Variants in AKAP13 observed in about 807,000 individuals in gnomAD.
The protein encoded by AKAP13 is A-kinase anchoring protein 13.
Under a neutral mutation model 264.5 loss-of-function variants are expected in AKAP13, and 80 were observed. That is an observed-to-expected ratio of 0.30 (90% CI 0.25 to 0.36). The LOEUF (loss-of-function observed/expected upper bound fraction) is 0.36. Among genes scored for constraint, AKAP13 ranks in the 10% least tolerant of loss-of-function variants. The probability of loss-of-function intolerance (pLI) is 1.00; values close to 1 mark genes in which losing one functional copy is unlikely to be tolerated. For missense variants in AKAP13, 3,712 were observed against 3,435.2 expected, an observed-to-expected ratio of 1.08 and a Z score of -2.01; for synonymous variants, 1,380 against 1,250.2, an observed-to-expected ratio of 1.10 and a Z score of -2.19.
At chr15:85,583,051 G>A (rs765219019) in intron 7 of AKAP13, 15 of 985,342 alleles carry the variant, frequency 1.5e-5, no homozygotes, top group African/African-American at 1.7e-5. Flanking sequence ...AGTCGGACAC[G>A]ATCTTGGCTC....
Position 85,631,636 on chromosome 15 carries a change from C to A in AKAP13, c.4162-7738C>A, listed in dbSNP as rs535059119. ...AAAACAAGTGAAATCCAAATAAAGT[C>A]CGGAGTTTACTTAATAGTAATGTAC... On this transcript the variant is annotated intron_variant, in intron 8 of 36. Coordinates refer to ENST00000394518, the MANE Select transcript of AKAP13 (RefSeq NM_007200.5). Among the ~76,000 whole-genome samples, 3 of 151,856 alleles carry A rather than the reference C, an allele frequency of 2.0e-5. No homozygotes were observed. The East Asian group carries it at 5.8e-4, about 29-fold the overall frequency.
At chr15:85,664,130 G>GT (rs1044838143) in intron 12 of AKAP13, among the ~76,000 whole-genome samples, 20 of 152,274 alleles carry the variant, frequency 1.3e-4, no homozygotes, top group Admixed American at 3.3e-4. Context: ...ATAAGGGCAA[G>GT]TTACCCAGTT....
intron 4 of AKAP13, among the ~76,000 whole-genome samples, chr15:85,538,148 A>G (rs2077463657): frequency 6.6e-6 from 1 of 152,184 alleles, no homozygotes. Flanking sequence ...ACCCTTGTGC[A>G]GTAGCCGTCA....
chr15:85,703,773 G>A (rs1375078316), intron 17 of AKAP13, among the ~76,000 whole-genome samples: 1 of 151,640 alleles, frequency 6.6e-6, no homozygotes, highest in African/African-American at 2.4e-5. Context: ...AACCCAGGAG[G>A]CAGAGGTTGC....
At chr15:85,720,870 C>G (rs1400455856) in intron 23 of AKAP13, among the ~76,000 whole-genome samples, 1 of 152,216 alleles carries the variant, frequency 6.6e-6, no homozygotes, top group African/African-American at 2.4e-5. Flanking sequence ...GCTTAGGCCT[C>G]TGCCTCAGGG....
chr15:85,748,331 G>A lies in AKAP13; in HGVS notation c.*3654G>A, dbSNP rs2614667. 0.074 allele frequency: 11,234 copies of A among 152,282 alleles called. 679 individuals are homozygous for A. The highest frequency in any genetic ancestry group is 0.33 in the East Asian group (1,696 of 5,152). The allele number at this position is 152,282 out of a possible 1,614,324, so 9.4% of individuals were successfully genotyped here. On this transcript the variant is annotated 3_prime_UTR_variant, in exon 37 of 37. Transcript: ENST00000394518. ...CTGCAGAACGATGTGCACCCTCTGCGTTTTGGATGTCCTTGGAATGTGGGA... is the reference window on the plus strand; with the variant it reads ...CTGCAGAACGATGTGCACCCTCTGCATTTTGGATGTCCTTGGAATGTGGGA...
chr15:85,464,521 G>T (rs1467347504), intron 1 of AKAP13, among the ~76,000 whole-genome samples: 1 of 152,122 alleles, frequency 6.6e-6, no homozygotes, highest in Non-Finnish European at 1.5e-5. Flanking sequence ...ATCATAGCCA[G>T]TTATCCTAGG....
At chr15:85,449,634 G>A (rs538983884) in intron 1 of AKAP13, among the ~76,000 whole-genome samples, 6 of 152,242 alleles carry the variant, frequency 3.9e-5, no homozygotes, top group Non-Finnish European at 8.8e-5. Flanking sequence ...AACCTAAAGC[G>A]ATGTTGAGTT....
At chr15:85,613,112 T>C (rs1171444174) in intron 8 of AKAP13, among the ~76,000 whole-genome samples, 2 of 152,256 alleles carry the variant, frequency 1.3e-5, no homozygotes, top group East Asian at 3.9e-4. Context: ...TATGAGTAAA[T>C]ATGGCTTATA....
At chr15:85,464,499 C>A (rs1248481716) in intron 1 of AKAP13, among the ~76,000 whole-genome samples, 1 of 152,128 alleles carries the variant, frequency 6.6e-6, no homozygotes, top group East Asian at 1.9e-4. Flanking sequence ...CCTTTGATTT[C>A]ATTTTGGTTT....
rs528978991 is a variant in AKAP13 at position 85,476,115 on chromosome 15, A to G, written c.-11-9595A>G. On this transcript the variant is annotated intron_variant, in intron 1 of 36. Transcript: ENST00000394518. ...ATTAAAATCAGCAAGGGTGGAGGGC[A>G]TGAACATGAGCAAAGACTTGAGGAC... is the stretch of plus-strand genomic sequence containing the variant. Among the ~76,000 whole-genome samples the G allele has an allele frequency of 1.1e-4, 16 of 152,366 alleles. No homozygotes were observed. The South Asian group carries it at 2.1e-3, about 20-fold the overall frequency.
At chr15:85,627,262 A>G (rs546738812) in intron 8 of AKAP13, among the ~76,000 whole-genome samples, 21 of 152,280 alleles carry the variant, frequency 1.4e-4, no homozygotes, top group Non-Finnish European at 2.8e-4. Context: ...CAAACTCAAC[A>G]TGGGCAAATG....
intron 8 of AKAP13, among the ~76,000 whole-genome samples, chr15:85,605,823 A>G (rs2080298821): frequency 6.6e-6 from 1 of 152,178 alleles, no homozygotes; most frequent in African/African-American, 2.4e-5. Flanking sequence ...TTAAATATAC[A>G]TAACTTTTTG....
chr15:85,733,873 C>CTTTTTT (rs72092500), intron 30 of AKAP13, among the ~76,000 whole-genome samples: 1,039 of 82,448 alleles, frequency 0.013, 1 homozygote, highest in Non-Finnish European at 0.015. Flanking sequence ...TCTTTCTTTT[C>CTTTTTT]TTTTTTTTTT....
chr15:85,631,646 C>T (rs1299461628), intron 8 of AKAP13, among the ~76,000 whole-genome samples: 1 of 151,886 alleles, frequency 6.6e-6, no homozygotes, highest in African/African-American at 2.4e-5. Flanking sequence ...CCGGAGTTTA[C>T]TTAATAGTAA....
chr15:85,432,735 G>A (rs1456318277), intron 1 of AKAP13, among the ~76,000 whole-genome samples: 1 of 152,086 alleles, frequency 6.6e-6, no homozygotes, highest in Non-Finnish European at 1.5e-5. Flanking sequence ...TGTTGCTATG[G>A]ACTAATTTCC....
chr15:85,610,358 A>C (rs1288231403), intron 8 of AKAP13, among the ~76,000 whole-genome samples: 1 of 152,164 alleles, frequency 6.6e-6, no homozygotes, highest in African/African-American at 2.4e-5. Context: ...TCTCTCCTTC[A>C]GCTATATGAA....
intron 11 of AKAP13, 76 bp from the exon 12 acceptor site, chr15:85,658,461 G>A: frequency 8.0e-7 from 1 of 1,250,242 alleles, no homozygotes; most frequent in Non-Finnish European, 1.2e-6. Context: ...CCCCAGTGTG[G>A]TGTCTGTATG....
At chr15:85,696,698 G>A (rs1284540815) in intron 17 of AKAP13, among the ~76,000 whole-genome samples, 1 of 152,066 alleles carries the variant, frequency 6.6e-6, no homozygotes, top group East Asian at 1.9e-4. Flanking sequence ...AATATAAAAT[G>A]CTAAATAAAA....
Sources: gnomAD v4.1 joint callset for allele counts (sites outside exome capture counted in the v4.1 genomes callset) on GRCh38, gnomAD v4.1.1 for gene constraint, MANE v1.5 for transcripts, NCBI Gene and HGNC (gene_info 2026-07-23, HGNC 2026-07-21) for gene names.